Variants in ABR observed in about 807,000 individuals in gnomAD.
ABR encodes the protein active breakpoint cluster region-related protein.
Under a neutral mutation model 107.2 loss-of-function variants are expected in ABR, and 35 were observed. The observed-to-expected ratio is 0.33, with a 90% CI of 0.25 to 0.43. ABR has a LOEUF of 0.43. Ranked by LOEUF, ABR falls within the 20% of genes least tolerant of loss-of-function variation. The pLI is 1.00. For synonymous variants in ABR, 498 were observed against 462.0 expected, an observed-to-expected ratio of 1.08 and a Z score of -1.00; for missense variants, 815 against 1,115.2, an observed-to-expected ratio of 0.73 and a Z score of 3.83.
In ABR at chr17:1,197,117, G is replaced by A. The variant is rs113987511; in HGVS notation, c.838+31676C>T. Among the ~76,000 whole-genome samples, 107 of 151,696 alleles carry A rather than the reference G, an allele frequency of 7.1e-4. 2 individuals carry two copies. The highest frequency in any genetic ancestry group is 1.1e-3 in the Non-Finnish European group (75 of 67,988). ...ATCCTGCAACGCTCCAGAGGGTATC[G>A]GATCTCGGGGGCATCTCTTTCTTCA... On this transcript the variant is annotated intron_variant, in intron 1 of 22. Coordinates refer to the ABR transcript ENST00000574139.
chr17:1,073,962 A>G (rs1440463324), intron 6 of ABR, among the ~76,000 whole-genome samples: 1 of 61,532 alleles, frequency 1.6e-5, no homozygotes, highest in African/African-American at 6.4e-5. Context: ...CCCCCTCCCC[A>G]GGCCTGTCCT....
chr17:1,159,274 A>ACG (rs1567840651), intron 1 of ABR, among the ~76,000 whole-genome samples: 143 of 75,382 alleles, frequency 1.9e-3, no homozygotes, highest in African/African-American at 3.8e-3. Context: ...TGCGGTACTC[A>ACG]CACACGGGAG....
chr17:1,014,428 G>A (rs771647057), intron 16 of ABR, among the ~76,000 whole-genome samples: 29 of 150,448 alleles, frequency 1.9e-4, no homozygotes, highest in Non-Finnish European at 3.1e-4. Context: ...GCGACAGAGC[G>A]AGACTCCGTC....
intron 11 of ABR, 65 bp downstream of exon 11, chr17:1,058,680 C>T: frequency 6.3e-7 from 1 of 1,579,978 alleles, no homozygotes; most frequent in Admixed American, 1.8e-5. Context: ...GGGCCAGGAG[C>T]CACAGAGTGG....
intron 1 of ABR, among the ~76,000 whole-genome samples, chr17:1,220,553 G>A (rs73281107): frequency 0.029 from 4,458 of 152,212 alleles, 160 homozygotes; most frequent in African/African-American, 0.086. Context: ...GGGGATTTCT[G>A]CTTATGATTC....
chr17:1,183,311 C>T (rs2042192361), upstream of ABR, among the ~76,000 whole-genome samples: 1 of 152,126 alleles, frequency 6.6e-6, no homozygotes, highest in Admixed American at 6.5e-5. Context: ...CCCTCCCAGC[C>T]CTCCCTCCAG....
In ABR at chr17:1,011,628, G is replaced by A. The variant is rs115071569; in HGVS notation, c.2101+218C>T. The A allele has an allele frequency of 5.2e-3, 2,360 of 454,472 alleles. 19 individuals carry two copies. The highest frequency in any genetic ancestry group is 0.024 in the African/African-American group (1,196 of 50,238). The allele number at this position is 454,472 out of a possible 1,614,324, so 28.2% of individuals were successfully genotyped here. ...ACAAGTTGGGTCATCCTGGGCAAGT[G>A]AGTCGGCCCTTGTGAGTTTCTGCAG... On this transcript the variant is annotated intron_variant, in intron 19 of 22. Transcript: ENST00000302538. The surrounding 1 kb of genome is among the most constrained non-coding windows in gnomAD (Gnocchi z 4.8).
chr17:1,028,523 C>T (rs1350173756), intron 16 of ABR, among the ~76,000 whole-genome samples: 1 of 152,184 alleles, frequency 6.6e-6, no homozygotes, highest in South Asian at 2.1e-4. Context: ...GAAGCTTCCC[C>T]GAATGGCCCA....
intron 16 of ABR, among the ~76,000 whole-genome samples, chr17:1,025,146 C>A (rs2072087424): frequency 1.8e-5 from 2 of 113,932 alleles, no homozygotes; most frequent in Admixed American, 9.6e-5. Context: ...AAATACAAAA[C>A]TTGGCCGGGC....
In ABR at chr17:1,027,400, G is replaced by T. The variant is rs1327976361; in HGVS notation, c.1792-14236C>A. On this transcript the variant is annotated intron_variant, in intron 16 of 22. Coordinates refer to ENST00000302538, the MANE Select transcript of ABR (RefSeq NM_021962.5). The surrounding 1 kb of genome is among the most constrained non-coding windows in gnomAD (Gnocchi z 4.7). ...CCCCCTCTGAAGTCGCACACAGTGT[G>T]TGCATGGGGTGGCTCTGTGTCTGAG... Among the ~76,000 whole-genome samples the T allele has an allele frequency of 6.6e-6, 1 of 152,236 alleles. No individual in the cohort carries two copies. Among genetic ancestry groups the T allele is most frequent in the South Asian group, 2.1e-4 (1 of 4,834 alleles).
rs1364702356 is a variant in ABR at position 1,084,452 on chromosome 17, T to C, written c.532-825A>G. ...GCCTTGAGGCCCCGTCCTCACCTCTTCCACCTCCTCTACCTCCAAGGAGCC... is the reference window on the plus strand; with the variant it reads ...GCCTTGAGGCCCCGTCCTCACCTCTCCCACCTCCTCTACCTCCAAGGAGCC... On this transcript the variant is annotated intron_variant, in intron 4 of 22. Transcript: ENST00000302538. The surrounding 1 kb of genome is among the most constrained non-coding windows in gnomAD (Gnocchi z 4.2). Among the ~76,000 whole-genome samples the C allele has an allele frequency of 6.6e-6, 1 of 152,188 alleles. No individual in the cohort carries two copies. The highest frequency in any genetic ancestry group is 1.9e-4 in the East Asian group (1 of 5,190).
chr17:1,031,512 ATC>A, intron 16 of ABR: 1 of 636,190 alleles, frequency 1.6e-6, no homozygotes, highest in East Asian at 4.1e-5. Context: ...GCGGGACCCC[ATC>A]AGCCCCCGCA....
intron 16 of ABR, chr17:1,031,745 G>T: frequency 4.2e-6 from 5 of 1,199,190 alleles, no homozygotes; most frequent in South Asian, 3.7e-5. Context: ...CGGTCATGCC[G>T]GGGGGGACGG....
intron 4 of ABR, among the ~76,000 whole-genome samples, chr17:1,090,765 C>A (rs2036968532): frequency 6.6e-6 from 1 of 152,188 alleles, no homozygotes; most frequent in African/African-American, 2.4e-5. Context: ...CCTCTCACAC[C>A]CAGAGAACAG....
At chr17:1,021,961 C>T (rs893489882) in intron 16 of ABR, among the ~76,000 whole-genome samples, 1 of 151,520 alleles carries the variant, frequency 6.6e-6, no homozygotes, top group Non-Finnish European at 1.5e-5. Context: ...GAGTTCGAGA[C>T]CAGCCTGGCC....
intron 2 of ABR, among the ~76,000 whole-genome samples, chr17:1,106,527 CTTTT>C (rs540643214): frequency 1.6e-4 from 16 of 102,602 alleles, no homozygotes; most frequent in African/African-American, 5.3e-4. Flanking sequence ...TTCTCACAGT[CTTTT>C]TTTTTTTTTT....
intron 1 of ABR, among the ~76,000 whole-genome samples, chr17:1,158,123 G>T (rs886213811): frequency 5.9e-5 from 9 of 152,150 alleles, no homozygotes; most frequent in Non-Finnish European, 1.2e-4. Flanking sequence ...AGGCAGCTTT[G>T]ACGGTGCACA....
upstream of ABR, among the ~76,000 whole-genome samples, chr17:1,183,026 C>T (rs759824800): frequency 3.9e-5 from 6 of 152,158 alleles, no homozygotes; most frequent in South Asian, 2.1e-4. Context: ...GGAGATCCAA[C>T]GTCACGCGCT....
chr17:1,104,650 C>T (rs1437301357), intron 2 of ABR, among the ~76,000 whole-genome samples: 1 of 152,224 alleles, frequency 6.6e-6, no homozygotes, highest in African/African-American at 2.4e-5. Context: ...GGACAACTGG[C>T]CCATCTCAGT....
Sources: allele counts gnomAD v4.1 joint callset (sites outside exome capture counted in the v4.1 genomes callset), GRCh38; gene constraint gnomAD v4.1.1; non-coding constraint Gnocchi (gnomAD v3.1); transcripts MANE v1.5; gene names NCBI Gene and HGNC (gene_info 2026-07-23, HGNC 2026-07-21).